ZNF521: variants seen among roughly 807,000 people sequenced by gnomAD.
ZNF521 encodes zinc finger protein 521.
In ZNF521, 14 loss-of-function variants were observed where a neutral mutation model predicts 105.5. The ratio of observed to expected loss-of-function variants is 0.13; its 90% CI spans 0.09 to 0.21. The LOEUF (loss-of-function observed/expected upper bound fraction) is 0.21, where lower values mean the gene tolerates loss of function less well. ZNF521 is among the 10% of genes least tolerant of loss of function. The pLI, the probability that ZNF521 is intolerant of heterozygous loss-of-function variation, is 1.00. For synonymous variants in ZNF521, 635 were observed against 606.0 expected, an observed-to-expected ratio of 1.05 and a Z score of -0.70; for missense variants, 1,233 against 1,629.7, an observed-to-expected ratio of 0.76 and a Z score of 4.19.
chr18:25,110,721 C>T (rs1431958581), intron 5 of ZNF521, among the ~76,000 whole-genome samples: 5 of 151,606 alleles, frequency 3.3e-5, no homozygotes, highest in Non-Finnish European at 7.4e-5. Context: ...AATATAGAAG[C>T]ACTGTCTCCT....
At chr18:25,215,382 G>A (rs2036262121) in intron 4 of ZNF521, among the ~76,000 whole-genome samples, 2 of 152,148 alleles carry the variant, frequency 1.3e-5, no homozygotes, top group Non-Finnish European at 2.9e-5. Context: ...TCATGTGGTA[G>A]GTAGAGCAAC....
At chr18:25,261,242 A>G (rs1156540447) in intron 3 of ZNF521, among the ~76,000 whole-genome samples, 1 of 152,130 alleles carries the variant, frequency 6.6e-6, no homozygotes, top group Non-Finnish European at 1.5e-5. Flanking sequence ...ACCTAACTAA[A>G]CACCTGACCT....
At chr18:25,170,659 A>T (rs773120306) in intron 5 of ZNF521, among the ~76,000 whole-genome samples, 2 of 152,136 alleles carry the variant, frequency 1.3e-5, no homozygotes, top group Non-Finnish European at 2.9e-5. Context: ...ACCCAATTTG[A>T]TCTCACGTCC....
chr18:25,302,919 T>G (rs1426244694), intron 3 of ZNF521: 2 of 152,212 alleles, frequency 1.3e-5, no homozygotes, highest in Non-Finnish European at 2.9e-5. Flanking sequence ...CAATACAAAA[T>G]GTTACACAAT....
At chr18:25,089,696 C>T in intron 6 of ZNF521, 116 bp from the exon 7 acceptor site, 2 of 762,112 alleles carry the variant, frequency 2.6e-6, no homozygotes, top group East Asian at 2.7e-5. Context: ...GTGTGACTTA[C>T]TGCCTGAGAC....
chr18:25,308,657 C>T (rs1195731026), intron 3 of ZNF521, among the ~76,000 whole-genome samples: 1 of 146,398 alleles, frequency 6.8e-6, no homozygotes, highest in Non-Finnish European at 1.5e-5. Context: ...CATCCCCCCC[C>T]CCCCACCCGC....
intron 4 of ZNF521, among the ~76,000 whole-genome samples, chr18:25,213,542 C>T (rs2036230417): frequency 6.6e-6 from 1 of 151,974 alleles, no homozygotes; most frequent in African/African-American, 2.4e-5. Context: ...GATTTAGCTA[C>T]TAATACTTTG....
intron 3 of ZNF521, among the ~76,000 whole-genome samples, chr18:25,299,644 T>C (rs1042725310): frequency 6.6e-6 from 1 of 152,204 alleles, no homozygotes; most frequent in Non-Finnish European, 1.5e-5. Context: ...GCTTCTTTTA[T>C]AAATAAAGAT....
intron 5 of ZNF521, among the ~76,000 whole-genome samples, chr18:25,101,976 T>C (rs1056176532): frequency 2.0e-5 from 3 of 152,132 alleles, no homozygotes; most frequent in Non-Finnish European, 4.4e-5. Context: ...GGTGTCAAAA[T>C]ATATCAGCAA....
chr18:25,271,385 A>G (rs1909646923), intron 3 of ZNF521, among the ~76,000 whole-genome samples: 1 of 152,198 alleles, frequency 6.6e-6, no homozygotes, highest in Non-Finnish European at 1.5e-5. Context: ...TCAAGGTACC[A>G]TTGACTTTCT....
chr18:25,087,784 A>G (rs1339830484), intron 7 of ZNF521, among the ~76,000 whole-genome samples: 1 of 152,204 alleles, frequency 6.6e-6, no homozygotes, highest in Non-Finnish European at 1.5e-5. Flanking sequence ...ACAGAATAGC[A>G]TTTTTAGAAG....
At chr18:25,190,915 C>T (rs979032830) in intron 5 of ZNF521, among the ~76,000 whole-genome samples, 4 of 152,078 alleles carry the variant, frequency 2.6e-5, no homozygotes, top group African/African-American at 9.7e-5. Context: ...CTATAAAATA[C>T]CGAGTATTTA....
In ZNF521 at chr18:25,110,206, T is replaced by C. The variant is rs902218525; in HGVS notation, c.3659-18125A>G. Among the ~76,000 whole-genome samples the C allele has an allele frequency of 3.3e-5, 5 of 152,086 alleles. No individual in the cohort carries two copies. The South Asian group carries it at 8.3e-4, about 25-fold the overall frequency. ...AGTTCTGTCAGCTGCCCCAAAGCAG[T>C]GGTGGGTCTTGCAGGATCTGGGAGG... On this transcript the variant is annotated intron_variant, in intron 5 of 7. Coordinates refer to ENST00000361524, the MANE Select transcript of ZNF521 (RefSeq NM_015461.3).
intron 3 of ZNF521, among the ~76,000 whole-genome samples, chr18:25,244,842 C>T (rs1464035837): frequency 6.6e-6 from 1 of 152,190 alleles, no homozygotes; most frequent in Non-Finnish European, 1.5e-5. Context: ...TTGTGCAGTT[C>T]ACAAACTGCA....
chr18:25,319,696 C>T (rs991969071), intron 3 of ZNF521, among the ~76,000 whole-genome samples: 2 of 152,020 alleles, frequency 1.3e-5, no homozygotes, highest in African/African-American at 4.8e-5. Flanking sequence ...TAACCATATA[C>T]AAAGAGAAAA....
At chr18:25,307,161 G>A (rs987407109) in intron 3 of ZNF521, among the ~76,000 whole-genome samples, 1 of 152,066 alleles carries the variant, frequency 6.6e-6, no homozygotes, top group Non-Finnish European at 1.5e-5. Context: ...CACTGGTTTT[G>A]ATCCTGTCTT....
At position 25,175,583 on chromosome 18, in the gene ZNF521, T is replaced by C. The variant is rs1051587990; in HGVS notation, c.3658+19577A>G. Among the ~76,000 whole-genome samples, 20 of 152,308 alleles carry C rather than the reference T, an allele frequency of 1.3e-4. 1 individual carries two copies. Among genetic ancestry groups the C allele is most frequent in the African/African-American group, 4.8e-4 (20 of 41,560 alleles). On this transcript the variant is annotated intron_variant, in intron 5 of 7. Transcript: ENST00000361524. ...TAATGAGCCTCAGTTATTTTGAGAA[T>C]AGAAAACGTGGATGGTCAGCATAAA...
At chr18:25,254,307 C>T (rs1908325389) in intron 3 of ZNF521, among the ~76,000 whole-genome samples, 1 of 152,098 alleles carries the variant, frequency 6.6e-6, no homozygotes, top group Admixed American at 6.6e-5. Context: ...GAAGCATGTA[C>T]ACTATCTAAG....
chr18:25,351,897 C>T (rs892574050), intron 1 of ZNF521, 108 bp downstream of exon 1: 22 of 278,562 alleles, frequency 7.9e-5, no homozygotes, highest in Non-Finnish European at 4.4e-5. Context: ...GCAGCAGCGG[C>T]GGCAGCGGCG....
Sources: allele counts gnomAD v4.1 joint callset (sites outside exome capture counted in the v4.1 genomes callset), GRCh38; gene constraint gnomAD v4.1.1; transcripts MANE v1.5; gene names NCBI Gene and HGNC (gene_info 2026-07-23, HGNC 2026-07-21).